The following COG6 variants were observed in gnomAD, a reference collection of about 807,000 sequenced individuals.
COG6 encodes conserved oligomeric Golgi complex subunit 6.
COG6 carries 74 observed loss-of-function variants against 88.8 expected under a neutral mutation model. The ratio of observed to expected loss-of-function variants is 0.83; its 90% CI spans 0.69 to 1.01. COG6 has a LOEUF of 1.01. Ranked by LOEUF, COG6 falls within the 50% of genes least tolerant of loss-of-function variation. The pLI, the probability that COG6 is intolerant of heterozygous loss-of-function variation, is 0.00. For synonymous variants in COG6, 286 were observed against 278.7 expected, an observed-to-expected ratio of 1.03 and a Z score of -0.26; for missense variants, 800 against 797.9, an observed-to-expected ratio of 1.00 and a Z score of -0.03.
chr13:39,684,100 A>G (rs189470126), intron 8 of COG6, among the ~76,000 whole-genome samples: 6 of 152,204 alleles, frequency 3.9e-5, no homozygotes, highest in East Asian at 1.9e-4. Context: ...AAAGTTTTCA[A>G]CTAAGGAGGG....
intron 15 of COG6, among the ~76,000 whole-genome samples, chr13:39,721,544 T>A (rs1308893016): frequency 6.6e-6 from 1 of 152,064 alleles, no homozygotes. Context: ...CAAATCCCAG[T>A]GTGGAAGTGC....
chr13:39,767,956 A>G (rs1042182837), intron 18 of COG6, among the ~76,000 whole-genome samples: 1 of 152,002 alleles, frequency 6.6e-6, no homozygotes, highest in Non-Finnish European at 1.5e-5. Flanking sequence ...GTCAGTCCCA[A>G]CTCTGAGCTG....
intron 18 of COG6, among the ~76,000 whole-genome samples, chr13:39,779,733 A>G (rs56833026): frequency 0.017 from 2,593 of 152,258 alleles, 76 homozygotes; most frequent in African/African-American, 0.06. Context: ...TCTGTCCTAA[A>G]GTCACCTCAG....
At chr13:39,707,132 CTT>C (rs1210881927) in intron 13 of COG6, among the ~76,000 whole-genome samples, 10 of 142,332 alleles carry the variant, frequency 7.0e-5, no homozygotes, top group Admixed American at 7.0e-5. Context: ...AATGAGCTCA[CTT>C]TTTTTTTTTT....
In COG6 at chr13:39,677,582, A is replaced by G. The variant is rs1221349315; in HGVS notation, c.540+3A>G. 3 of 1,535,890 alleles carry G rather than the reference A, an allele frequency of 2.0e-6. No homozygotes were observed. The highest frequency in any genetic ancestry group is 2.7e-5 in the African/African-American group (2 of 73,102). On this transcript the variant is annotated splice_donor_region_variant and intron_variant, in intron 5 of 18. Transcript: ENST00000455146. Reference sequence around the variant, plus strand: ...CAAGAGAAGGACCCATTACTGAGGTATCCTGGCTTTCTGTTATAATCATTT... The same window carrying G: ...CAAGAGAAGGACCCATTACTGAGGTGTCCTGGCTTTCTGTTATAATCATTT...
chr13:39,709,043 G>A (rs1490708334), intron 13 of COG6, among the ~76,000 whole-genome samples: 1 of 152,060 alleles, frequency 6.6e-6, no homozygotes, highest in Admixed American at 6.6e-5. Flanking sequence ...GGGCTTTGGA[G>A]TCTGATAGAG....
At chr13:39,726,276 A>G (rs1424908619) in intron 17 of COG6, among the ~76,000 whole-genome samples, 9 of 151,972 alleles carry the variant, frequency 5.9e-5, no homozygotes, top group Non-Finnish European at 1.2e-4. Context: ...TATCATTTAA[A>G]TAGTTATTAA....
chr13:39,673,846 T>C (rs1875796230), intron 4 of COG6, among the ~76,000 whole-genome samples: 1 of 152,022 alleles, frequency 6.6e-6, no homozygotes, highest in Non-Finnish European at 1.5e-5. Flanking sequence ...TAATATTTTA[T>C]GTTCATTTTC....
intron 18 of COG6, among the ~76,000 whole-genome samples, chr13:39,741,738 C>T (rs1381704194): frequency 6.6e-6 from 1 of 151,994 alleles, no homozygotes; most frequent in Non-Finnish European, 1.5e-5. Flanking sequence ...CATTCAAATT[C>T]AGGAAATGCA....
intron 18 of COG6, among the ~76,000 whole-genome samples, chr13:39,741,766 A>C (rs979570825): frequency 6.6e-6 from 1 of 152,018 alleles, no homozygotes; most frequent in African/African-American, 2.4e-5. Context: ...CCACCAAGAT[A>C]CTCCTCGAGA....
chr13:39,719,546 C>G, intron 14 of COG6, 114 bp from the exon 15 acceptor site: 1 of 1,201,518 alleles, frequency 8.3e-7, no homozygotes, highest in East Asian at 2.4e-5. Flanking sequence ...TAATCTTTTC[C>G]TACGTGCTTC....
chr13:39,778,522 A>C (rs74044169), intron 18 of COG6, among the ~76,000 whole-genome samples: 1 of 152,350 alleles, frequency 6.6e-6, no homozygotes, highest in East Asian at 1.9e-4. Flanking sequence ...TCAGGAGAGG[A>C]TATAGCAGTA....
chr13:39,724,118 T>G (rs1879000487), intron 16 of COG6, among the ~76,000 whole-genome samples: 3 of 152,208 alleles, frequency 2.0e-5, no homozygotes, highest in South Asian at 4.1e-4. Flanking sequence ...CTTTCTTTGC[T>G]GAAGTGGTAA....
chr13:39,752,008 A>G lies in COG6; in HGVS notation c.*915A>G. 1 of 1,257,570 alleles carries G rather than the reference A, an allele frequency of 8.0e-7. No individual in the cohort carries two copies. Among genetic ancestry groups the G allele is most frequent in the South Asian group, 1.2e-5 (1 of 80,318 alleles). The allele number at this position is 1,257,570 out of a possible 1,614,324, so 77.9% of individuals were successfully genotyped here. Reference sequence around the variant, plus strand: ...TGGAGAAAAAAACTGCCAGAGGAGGAGTTGCCAATTGGCAGTGTGTCTTAT... The same window carrying G: ...TGGAGAAAAAAACTGCCAGAGGAGGGGTTGCCAATTGGCAGTGTGTCTTAT... On this transcript the variant is annotated 3_prime_UTR_variant, in exon 19 of 19. Transcript: ENST00000455146.
Position 39,706,255 on chromosome 13 carries a change from T to TTATATATATATATATACTCCTTTATATA in COG6, c.1284+6653_1284+6654insCTCCTTTATATATATATATATATATATA, listed in dbSNP as rs1877902463. On this transcript the variant is annotated intron_variant, in intron 13 of 18. Coordinates refer to ENST00000455146, the MANE Select transcript of COG6 (RefSeq NM_020751.3). Reference sequence around the variant, plus strand: ...CTCCTTTATATATATATATACTCCTTTATATATATATATATATATATATTT... The same window carrying TTATATATATATATATACTCCTTTATATA: ...CTCCTTTATATATATATATACTCCTTTATATATATATATATACTCCTTTATATATATATATATATATATATATATATTT... Among the ~76,000 whole-genome samples the TTATATATATATATATACTCCTTTATATA allele has an allele frequency of 7.8e-5, 9 of 114,674 alleles. 1 individual carries two copies. Among genetic ancestry groups the TTATATATATATATATACTCCTTTATATA allele is most frequent in the African/African-American group, 2.6e-4 (8 of 30,800 alleles). 75.2% of individuals were successfully genotyped at this position (114,674 alleles called of 152,430 possible). A position where few individuals can be genotyped will look rare whatever the true frequency, so the allele number is the denominator to read the frequency against.
chr13:39,697,857 ATAGT>A (rs1412838333), intron 12 of COG6, among the ~76,000 whole-genome samples: 2 of 151,962 alleles, frequency 1.3e-5, no homozygotes, highest in East Asian at 1.9e-4. Context: ...TAAATATTGA[ATAGT>A]TATTTACCAG....
intron 13 of COG6, among the ~76,000 whole-genome samples, chr13:39,714,139 C>A (rs1181797516): frequency 6.6e-6 from 1 of 152,082 alleles, no homozygotes; most frequent in Non-Finnish European, 1.5e-5. Context: ...TTCCTTTCAA[C>A]TTTCTCCCAT....
chr13:39,699,744 CCAA>C, intron 13 of COG6, 126 bp downstream of exon 13: 1 of 639,928 alleles, frequency 1.6e-6, no homozygotes, highest in Non-Finnish European at 2.8e-6. Context: ...CTTCCTGTCA[CCAA>C]CAACTTTCAT....
At chr13:39,731,210 A>C (rs544065654) in intron 18 of COG6, among the ~76,000 whole-genome samples, 1 of 152,184 alleles carries the variant, frequency 6.6e-6, no homozygotes, top group East Asian at 1.9e-4. Flanking sequence ...TCATAGTTGC[A>C]ATACCTTTGG....
Sources: gnomAD v4.1 joint callset for allele counts (sites outside exome capture counted in the v4.1 genomes callset) on GRCh38, gnomAD v4.1.1 for gene constraint, MANE v1.5 for transcripts, NCBI Gene and HGNC (gene_info 2026-07-23, HGNC 2026-07-21) for gene names.